The following PDE10A variants were observed in gnomAD, a reference collection of about 807,000 sequenced individuals.
PDE10A encodes the protein phosphodiesterase 10A, also known as cAMP and cAMP-inhibited cGMP 3',5'-cyclic phosphodiesterase 10A.
Under a neutral mutation model 97.7 loss-of-function variants are expected in PDE10A, and 39 were observed. That is an observed-to-expected ratio of 0.40 (90% CI 0.31 to 0.52). The LOEUF (loss-of-function observed/expected upper bound fraction) is 0.52. Ranked by LOEUF, PDE10A falls within the 20% of genes least tolerant of loss-of-function variation. The pLI is 0.56. For missense variants in PDE10A, 731 were observed against 1,047.8 expected, an observed-to-expected ratio of 0.70 and a Z score of 4.17; for synonymous variants, 371 against 376.8, an observed-to-expected ratio of 0.98 and a Z score of 0.18.
intron 1 of PDE10A, among the ~76,000 whole-genome samples, chr6:165,604,342 G>T (rs1349846393): frequency 3.9e-4 from 60 of 151,912 alleles, no homozygotes; most frequent in Admixed American, 3.9e-3. Flanking sequence ...CGATAGTTTC[G>T]AGTACCATTC....
intron 1 of PDE10A, among the ~76,000 whole-genome samples, chr6:165,727,658 G>C (rs1792333239): frequency 6.6e-6 from 1 of 152,184 alleles, no homozygotes; most frequent in African/African-American, 2.4e-5. Flanking sequence ...GAGTAGATAG[G>C]AGGAAGACAG....
At chr6:165,608,265 C>A (rs183000447) in intron 1 of PDE10A, among the ~76,000 whole-genome samples, 5 of 114,850 alleles carry the variant, frequency 4.4e-5, no homozygotes, top group South Asian at 3.6e-4. Flanking sequence ...TCCCCCCTCC[C>A]CCACCCCACA....
At chr6:165,488,112 T>C (rs1487001789) in intron 2 of PDE10A, among the ~76,000 whole-genome samples, 6 of 151,906 alleles carry the variant, frequency 3.9e-5, no homozygotes, top group Admixed American at 2.0e-4. Context: ...TGTGTTTTTA[T>C]TCAACAAATA....
intron 1 of PDE10A, among the ~76,000 whole-genome samples, chr6:165,802,084 A>G (rs1779001091): frequency 6.6e-6 from 1 of 152,240 alleles, no homozygotes; most frequent in Admixed American, 6.5e-5. Context: ...GTGTGACCTG[A>G]GTCCAAAAGT....
rs898199527 is a variant in PDE10A at position 165,595,614 on chromosome 6, G to A, written c.866-52046C>T. Among the ~76,000 whole-genome samples, 4 of 152,076 alleles carry A rather than the reference G, an allele frequency of 2.6e-5. No homozygotes were observed. In the South Asian group the frequency reaches 6.2e-4, roughly 24 times the overall value. On this transcript the variant is annotated intron_variant, in intron 1 of 21. Coordinates refer to ENST00000539869, the MANE Select transcript of PDE10A (RefSeq NM_001385079.1). ...CCTACTCCATATCTCCAACTAATAC[G>A]TCTGTCTTGGTCCATTCAGGCTGTA...
intron 1 of PDE10A, among the ~76,000 whole-genome samples, chr6:165,875,787 A>G (rs2128479650): frequency 6.8e-6 from 1 of 147,020 alleles, no homozygotes; most frequent in African/African-American, 2.6e-5. Context: ...GAGATATTTA[A>G]TCCTACCAGA....
intron 1 of PDE10A, among the ~76,000 whole-genome samples, chr6:165,566,232 T>C (rs1329023922): frequency 1.3e-5 from 2 of 152,112 alleles, no homozygotes; most frequent in Non-Finnish European, 2.9e-5. Flanking sequence ...AGCTCATTAA[T>C]AAGAAAACAA....
At chr6:165,881,392 C>CTTTTTTTTTTTTT (rs68159417) in intron 1 of PDE10A, among the ~76,000 whole-genome samples, 12 of 107,016 alleles carry the variant, frequency 1.1e-4, no homozygotes, top group African/African-American at 1.6e-4. Context: ...TTTTTCTTTT[C>CTTTTTTTTTTTTT]TTTTTTTTTT....
At chr6:165,603,882 C>T (rs1412362542) in intron 1 of PDE10A, among the ~76,000 whole-genome samples, 3 of 152,128 alleles carry the variant, frequency 2.0e-5, no homozygotes, top group African/African-American at 7.2e-5. Flanking sequence ...AACTGAATAC[C>T]CACCCTCAAT....
At chr6:165,825,132 A>AGC (rs1468278325) in intron 1 of PDE10A, among the ~76,000 whole-genome samples, 2 of 146,820 alleles carry the variant, frequency 1.4e-5, no homozygotes, top group Non-Finnish European at 3.0e-5. Flanking sequence ...TGGGCAACAG[A>AGC]AAGACTCCAT....
intron 1 of PDE10A, among the ~76,000 whole-genome samples, chr6:165,975,302 G>T (rs994193489): frequency 6.6e-6 from 1 of 152,164 alleles, no homozygotes; most frequent in Non-Finnish European, 1.5e-5. Flanking sequence ...CAAGGGAAAA[G>T]TTCCATTAAA....
At chr6:165,479,924 G>A (rs1779507660) in intron 3 of PDE10A, among the ~76,000 whole-genome samples, 1 of 152,236 alleles carries the variant, frequency 6.6e-6, no homozygotes, top group African/African-American at 2.4e-5. Flanking sequence ...ACCAGAAATG[G>A]AATGTAGCTT....
intron 1 of PDE10A, among the ~76,000 whole-genome samples, chr6:165,586,682 C>A (rs1419023314): frequency 4.6e-5 from 7 of 152,084 alleles, no homozygotes; most frequent in African/African-American, 1.7e-4. Context: ...AAGAAAACCA[C>A]AAGTAACGTC....
intron 1 of PDE10A, among the ~76,000 whole-genome samples, chr6:165,599,588 A>G (rs1206368360): frequency 6.6e-6 from 1 of 152,268 alleles, no homozygotes; most frequent in Non-Finnish European, 1.5e-5. Context: ...TTTTAGTATC[A>G]TAAAACTTCT....
At chr6:165,578,648 G>T (rs958062002) in intron 1 of PDE10A, among the ~76,000 whole-genome samples, 3 of 49,562 alleles carry the variant, frequency 6.1e-5, no homozygotes, top group Non-Finnish European at 2.6e-4. Context: ...CCTACTAAAT[G>T]CATTTACCCT....
intron 13 of PDE10A, among the ~76,000 whole-genome samples, chr6:165,407,750 A>G (rs1172793057): frequency 2.6e-5 from 4 of 152,242 alleles, no homozygotes; most frequent in African/African-American, 4.8e-5. Flanking sequence ...TTCTAAGCAA[A>G]AGATGTAACT....
chr6:165,640,258 T>A (rs1789070354), intron 1 of PDE10A, among the ~76,000 whole-genome samples: 1 of 152,280 alleles, frequency 6.6e-6, no homozygotes, highest in African/African-American at 2.4e-5. Flanking sequence ...AAAAATTTTT[T>A]AAAAATTGCC....
chr6:165,935,256 C>T lies in PDE10A; in HGVS notation c.-615+52273G>A, dbSNP rs558970316. On this transcript the variant is annotated intron_variant, in intron 1 of 19. Coordinates refer to the PDE10A transcript ENST00000366882. ...TGAAGAATGAGAAGACTCTAAATAGCGTAGGAAAGAAAAATAGAAGTAGGA... is the reference window on the plus strand; with the variant it reads ...TGAAGAATGAGAAGACTCTAAATAGTGTAGGAAAGAAAAATAGAAGTAGGA... Among the ~76,000 whole-genome samples, 297 of 152,054 alleles carry T rather than the reference C, an allele frequency of 2.0e-3. 1 individual carries two copies. Among genetic ancestry groups the T allele is most frequent in the African/African-American group, 6.8e-3 (284 of 41,462 alleles).
intron 1 of PDE10A, among the ~76,000 whole-genome samples, chr6:165,934,119 G>C (rs1441920764): frequency 6.7e-6 from 1 of 149,742 alleles, no homozygotes; most frequent in Non-Finnish European, 1.5e-5. Flanking sequence ...GAGTAGCTGG[G>C]ATTACAGGCA....
Sources: allele counts gnomAD v4.1 joint callset (sites outside exome capture counted in the v4.1 genomes callset), GRCh38; gene constraint gnomAD v4.1.1; transcripts MANE v1.5; gene names NCBI Gene and HGNC (gene_info 2026-07-23, HGNC 2026-07-21).